LRFN5: variants seen among roughly 807,000 people sequenced by gnomAD.
LRFN5 encodes the protein leucine-rich repeat and fibronectin type-III domain-containing protein 5.
Under a neutral mutation model 45.6 loss-of-function variants are expected in LRFN5, and 24 were observed. The ratio of observed to expected loss-of-function variants is 0.53; its 90% CI spans 0.38 to 0.74. The LOEUF is 0.74. Among genes scored for constraint, LRFN5 ranks in the 30% least tolerant of loss-of-function variants. The pLI, the probability that LRFN5 is intolerant of heterozygous loss-of-function variation, is 0.00. For synonymous variants in LRFN5, 340 were observed against 313.8 expected (o/e 1.08, Z -0.88); for missense variants, 776 against 861.5 (o/e 0.90, Z 1.24).
rs368141359 is a variant in LRFN5 at position 41,776,172 on chromosome 14, A to G, written c.-21+9143A>G. Among the ~76,000 whole-genome samples the G allele has an allele frequency of 8.7e-4, 133 of 152,300 alleles. 3 individuals carry two copies. The South Asian group carries it at 0.024, about 28-fold the overall frequency. On this transcript the variant is annotated intron_variant, in intron 2 of 5. Transcript: ENST00000298119. Reference sequence around the variant, plus strand: ...ATTGTTTAAATTTTTAGTGTATTTTATGGGAAGTTTTATAGTAGTAATCCT... The same window carrying G: ...ATTGTTTAAATTTTTAGTGTATTTTGTGGGAAGTTTTATAGTAGTAATCCT...
At chr14:41,872,820 G>A (rs1890062551) in intron 2 of LRFN5, among the ~76,000 whole-genome samples, 1 of 152,200 alleles carries the variant, frequency 6.6e-6, no homozygotes, top group African/African-American at 2.4e-5. Context: ...CTAAAGAAGG[G>A]ACAAGTGGAT....
intron 2 of LRFN5, among the ~76,000 whole-genome samples, chr14:41,808,376 A>T (rs1887604872): frequency 1.0e-5 from 1 of 99,574 alleles, no homozygotes; most frequent in Admixed American, 1.0e-4. Context: ...GAAGGAAGGG[A>T]AAGAAGGAAG....
chr14:41,869,008 T>C (rs2139114070), intron 2 of LRFN5, among the ~76,000 whole-genome samples: 1 of 152,308 alleles, frequency 6.6e-6, no homozygotes, highest in Non-Finnish European at 1.5e-5. Context: ...CATTTAAATA[T>C]GTCCTTGGTT....
At chr14:41,737,978 C>T (rs1390808790) in intron 1 of LRFN5, among the ~76,000 whole-genome samples, 1 of 152,066 alleles carries the variant, frequency 6.6e-6, no homozygotes, top group Non-Finnish European at 1.5e-5. Flanking sequence ...TGATATTCTT[C>T]ACGGAATTAG....
chr14:41,615,246 T>G (rs1320460973), intron 1 of LRFN5, among the ~76,000 whole-genome samples: 1 of 152,148 alleles, frequency 6.6e-6, no homozygotes, highest in Non-Finnish European at 1.5e-5. Context: ...TATTTCACTT[T>G]TATATAGATG....
intron 2 of LRFN5, among the ~76,000 whole-genome samples, chr14:41,809,799 A>G (rs74045447): frequency 0.015 from 2,219 of 152,104 alleles, 50 homozygotes; most frequent in African/African-American, 0.05. Flanking sequence ...ACACACATTT[A>G]TGATTTATTT....
intron 1 of LRFN5, among the ~76,000 whole-genome samples, chr14:41,703,945 C>T (rs571915468): frequency 4.6e-5 from 7 of 151,980 alleles, no homozygotes; most frequent in Non-Finnish European, 7.4e-5. Context: ...AGAAAATCTT[C>T]AAAATTCTGT....
chr14:41,893,772 C>T (rs1156599599), intron 4 of LRFN5: 60 of 985,086 alleles, frequency 6.1e-5, no homozygotes, highest in Non-Finnish European at 6.9e-5. Flanking sequence ...ATCCAATGGG[C>T]TTTTTTATTT....
chr14:41,724,344 C>T (rs1883843887), intron 1 of LRFN5, among the ~76,000 whole-genome samples: 2 of 152,096 alleles, frequency 1.3e-5, no homozygotes, highest in South Asian at 2.1e-4. Flanking sequence ...TCACAGTTAG[C>T]GTGACTGAAA....
intron 1 of LRFN5, among the ~76,000 whole-genome samples, chr14:41,753,292 A>G (rs568202352): frequency 1.6e-4 from 24 of 152,040 alleles, no homozygotes; most frequent in Non-Finnish European, 3.2e-4. Context: ...GTTTTCTCCA[A>G]TTCTCTGAAG....
intron 1 of LRFN5, among the ~76,000 whole-genome samples, chr14:41,687,366 A>G (rs751990669): frequency 1.1e-4 from 16 of 152,166 alleles, no homozygotes; most frequent in Non-Finnish European, 1.0e-4. Context: ...TGGAGAAATA[A>G]GAACACTTTT....
chr14:41,888,396 CA>C (rs1214629677), intron 3 of LRFN5, among the ~76,000 whole-genome samples: 2 of 152,040 alleles, frequency 1.3e-5, no homozygotes, highest in Non-Finnish European at 2.9e-5. Flanking sequence ...TGCCATTGCT[CA>C]AAGCACTTTT....
At chr14:41,615,140 A>G (rs759396798) in intron 1 of LRFN5, among the ~76,000 whole-genome samples, 4 of 152,092 alleles carry the variant, frequency 2.6e-5, no homozygotes, top group African/African-American at 4.8e-5. Flanking sequence ...TATATATTCA[A>G]TCTTAAATTT....
chr14:41,654,752 G>T (rs987916391), intron 1 of LRFN5, among the ~76,000 whole-genome samples: 1 of 151,942 alleles, frequency 6.6e-6, no homozygotes, highest in African/African-American at 2.4e-5. Flanking sequence ...GTTTATCAGT[G>T]TCTTTTTTAA....
chr14:41,759,451 A>G (rs369395438), intron 1 of LRFN5, among the ~76,000 whole-genome samples: 2 of 10,850 alleles, frequency 1.8e-4, no homozygotes, highest in African/African-American at 6.8e-4. Context: ...CTCTCTCTAC[A>G]CACACACACA....
intron 2 of LRFN5, among the ~76,000 whole-genome samples, chr14:41,822,369 G>T (rs939945959): frequency 4.0e-5 from 6 of 151,744 alleles, no homozygotes; most frequent in Non-Finnish European, 5.9e-5. Context: ...ATTTGTTTCA[G>T]TTTTTAAAAT....
chr14:41,708,234 C>T (rs1464518349), intron 1 of LRFN5, among the ~76,000 whole-genome samples: 2 of 151,886 alleles, frequency 1.3e-5, no homozygotes, highest in African/African-American at 4.8e-5. Flanking sequence ...AAACTTTAAA[C>T]ATACATTTAA....
intron 1 of LRFN5, among the ~76,000 whole-genome samples, chr14:41,655,462 G>C (rs1477234132): frequency 6.6e-6 from 1 of 152,028 alleles, no homozygotes; most frequent in Non-Finnish European, 1.5e-5. Context: ...AGTGGAGCTA[G>C]ACCAAAGAGA....
intron 1 of LRFN5, among the ~76,000 whole-genome samples, chr14:41,640,679 A>G (rs2138597115): frequency 6.6e-6 from 1 of 152,286 alleles, no homozygotes; most frequent in South Asian, 2.1e-4. Context: ...GTATCTGGAT[A>G]TTAGATATTC....
Sources: allele counts gnomAD v4.1 joint callset (sites outside exome capture counted in the v4.1 genomes callset), GRCh38; gene constraint gnomAD v4.1.1; transcripts MANE v1.5; gene names NCBI Gene and HGNC (gene_info 2026-07-23, HGNC 2026-07-21).